COG3: variants seen among roughly 807,000 people sequenced by gnomAD.
COG3 encodes the protein component of oligomeric golgi complex 3.
COG3 carries 32 observed loss-of-function variants against 114.1 expected under a neutral mutation model. The observed-to-expected ratio is 0.28, with a 90% CI of 0.21 to 0.38. The LOEUF is 0.38. Among genes scored for constraint, COG3 ranks in the 10% least tolerant of loss-of-function variants. COG3 has a pLI of 1.00. For synonymous variants in COG3, 352 were observed against 365.7 expected (o/e 0.96, Z 0.43); for missense variants, 813 against 973.2 (o/e 0.84, Z 2.19).
Position 45,465,022 on chromosome 13 carries a change from G to A in COG3, c.-15G>A, listed in dbSNP as rs941797147. 8 of 1,555,232 alleles carry A rather than the reference G, an allele frequency of 5.1e-6. No individual in the cohort carries two copies. Among genetic ancestry groups the A allele is most frequent in the African/African-American group, 1.4e-5 (1 of 73,402 alleles). On this transcript the variant is annotated 5_prime_UTR_variant, in exon 1 of 23. Transcript: ENST00000349995. ...CTCCATCTCGCTGCTGCTGAAGGCC[G>A]CGAGGGCGGCGGCGATGGCGGAGGC...
intron 22 of COG3, among the ~76,000 whole-genome samples, chr13:45,533,364 T>G (rs924599888): frequency 2.0e-5 from 3 of 152,192 alleles, no homozygotes; most frequent in Non-Finnish European, 2.9e-5. Flanking sequence ...GCAAGAATAG[T>G]GTAAGGAGTG....
At chr13:45,494,857 CTCTTT>C (rs1175536609) in intron 12 of COG3, among the ~76,000 whole-genome samples, 4 of 122,012 alleles carry the variant, frequency 3.3e-5, no homozygotes, top group Non-Finnish European at 6.5e-5. Context: ...TTCTTTTTTT[CTCTTT>C]TCTTTTTTTT....
intron 22 of COG3, 106 bp from the exon 23 acceptor site, chr13:45,534,596 A>G: frequency 1.5e-6 from 1 of 657,682 alleles, no homozygotes; most frequent in Non-Finnish European, 2.5e-6. Flanking sequence ...GCTGTATTGC[A>G]TGATGCTGAG....
At chr13:45,477,946 C>T (rs1381558953) in intron 2 of COG3, among the ~76,000 whole-genome samples, 1 of 151,950 alleles carries the variant, frequency 6.6e-6, no homozygotes. Context: ...TATTCTTAAA[C>T]CACTCTGTAA....
chr13:45,489,262 C>CAAAAAAAAAAAA (rs377551623), intron 8 of COG3, among the ~76,000 whole-genome samples: 2,025 of 43,574 alleles, frequency 0.046, 523 homozygotes, highest in Non-Finnish European at 0.065. Flanking sequence ...GACCCAGCCT[C>CAAAAAAAAAAAA]AAAAAAAAAA....
At chr13:45,483,642 C>T (rs1266207500) in intron 7 of COG3, among the ~76,000 whole-genome samples, 1 of 152,104 alleles carries the variant, frequency 6.6e-6, no homozygotes, top group Non-Finnish European at 1.5e-5. Context: ...CATTCCTTTT[C>T]TATCTTTTTC....
chr13:45,476,390 A>T (rs1396877620), intron 2 of COG3, 43 bp downstream of exon 2: 3 of 1,584,364 alleles, frequency 1.9e-6, no homozygotes, highest in Non-Finnish European at 2.6e-6. Flanking sequence ...ATTATTTCAG[A>T]TGTCTGAAGA....
intron 8 of COG3, among the ~76,000 whole-genome samples, chr13:45,490,465 A>G (rs1886949241): frequency 6.6e-6 from 1 of 152,182 alleles, no homozygotes; most frequent in South Asian, 2.1e-4. Context: ...CTTCAGAAAC[A>G]ACCTAGATAT....
intron 8 of COG3, among the ~76,000 whole-genome samples, chr13:45,489,000 C>T (rs552646019): frequency 6.6e-6 from 1 of 151,396 alleles, no homozygotes; most frequent in African/African-American, 2.4e-5. Context: ...CCAGCCTGGG[C>T]AACATGGCGA....
intron 1 of COG3, among the ~76,000 whole-genome samples, chr13:45,473,236 A>AG (rs1325884906): frequency 2.0e-5 from 3 of 152,064 alleles, no homozygotes; most frequent in Non-Finnish European, 4.4e-5. Flanking sequence ...CAGTGCTTGC[A>AG]GCCTGTCTCT....
chr13:45,509,753 A>G lies in COG3; in HGVS notation c.1656A>G (p.Gly552=). 2 of 1,614,102 alleles carry G rather than the reference A, an allele frequency of 1.2e-6. No individual in the cohort carries two copies. The highest frequency in any genetic ancestry group is 1.7e-6 in the Non-Finnish European group (2 of 1,179,922). Residue 552 remains glycine (G), a synonymous_variant, in exon 15 of 23, where the codon GGA becomes GGG. Coordinates refer to ENST00000349995, the MANE Select transcript of COG3 (RefSeq NM_031431.4). The part of the protein sequence containing the change: ...QTTISPADLH[G]MWYPTVRRTL... The stretch of plus-strand genomic sequence containing the variant: ...CAATTTCTCCAGCAGATCTTCATGG[A>G]ATGTGGTATCCTACGGTTCGAAGAA...
intron 13 of COG3, among the ~76,000 whole-genome samples, chr13:45,500,804 G>GTTTTTA (rs1312305818): frequency 3.3e-5 from 5 of 152,100 alleles, no homozygotes; most frequent in Admixed American, 2.0e-4. Context: ...GTTGCACTTA[G>GTTTTTA]TTTTTATGTC....
At chr13:45,528,875 A>AT (rs1178623064) in intron 20 of COG3, among the ~76,000 whole-genome samples, 1 of 152,264 alleles carries the variant, frequency 6.6e-6, no homozygotes, top group Non-Finnish European at 1.5e-5. Flanking sequence ...ATATCTTGGT[A>AT]TTTTTTTAGT....
chr13:45,475,096 T>C (rs185578844), intron 1 of COG3, among the ~76,000 whole-genome samples: 11 of 152,294 alleles, frequency 7.2e-5, no homozygotes, highest in African/African-American at 2.6e-4. Context: ...TCCTATTCAG[T>C]TTTAATTTCA....
At chr13:45,498,974 G>A (rs544524862) in intron 13 of COG3, among the ~76,000 whole-genome samples, 2 of 151,874 alleles carry the variant, frequency 1.3e-5, no homozygotes, top group South Asian at 2.1e-4. Context: ...CCAGACCTAC[G>A]GTCAGCTCTT....
In COG3 at chr13:45,496,202, G is replaced by A; in HGVS notation, c.1378G>A (p.Val460Ile). 6.2e-7 allele frequency: 1 copy of A among 1,612,766 alleles called. No individual in the cohort carries two copies. The highest frequency in any genetic ancestry group is 8.5e-7 in the Non-Finnish European group (1 of 1,179,168). Residue 460 changes from valine to isoleucine, a missense_variant, in exon 13 of 23, where the codon GTA (valine) becomes ATA (isoleucine). Transcript: ENST00000349995. ...AAGVKQMLED[V>I]QERLVYRTHI... ...TGGAGTCAAGCAGATGTTAGAAGAT[G>A]TACAGGAGCGGCTCGTCTACCGAAC...
At chr13:45,508,132 C>G (rs1450208559) in intron 14 of COG3, among the ~76,000 whole-genome samples, 1 of 146,606 alleles carries the variant, frequency 6.8e-6, no homozygotes, top group Non-Finnish European at 1.5e-5. Flanking sequence ...ACCTTTCTCC[C>G]TCATCCCTTT....
intron 1 of COG3, among the ~76,000 whole-genome samples, chr13:45,466,888 C>T (rs550768786): frequency 2.0e-5 from 3 of 152,138 alleles, no homozygotes; most frequent in African/African-American, 7.2e-5. Context: ...ATGTTATGTC[C>T]CTACTCTGAG....
chr13:45,530,881 A>T (rs1211389061), intron 22 of COG3, 101 bp downstream of exon 22: 26 of 1,359,450 alleles, frequency 1.9e-5, no homozygotes, highest in Non-Finnish European at 2.4e-5. Flanking sequence ...GTATTAATTT[A>T]AAAAATATTA....
Sources: gnomAD v4.1 joint callset for allele counts (sites outside exome capture counted in the v4.1 genomes callset) on GRCh38, gnomAD v4.1.1 for gene constraint, MANE v1.5 for transcripts, NCBI Gene and HGNC (gene_info 2026-07-23, HGNC 2026-07-21) for gene names.